Variants in SWT1 observed in about 807,000 individuals in gnomAD.
SWT1 encodes the protein SWT1 RNA endoribonuclease homolog, also known as transcriptional protein SWT1.
SWT1 carries 33 observed loss-of-function variants against 107.3 expected under a neutral mutation model. The ratio of observed to expected loss-of-function variants is 0.31; its 90% CI spans 0.23 to 0.41. SWT1 has a LOEUF of 0.41. SWT1 is among the 10% of genes least tolerant of loss of function. The pLI is 1.00. For missense variants in SWT1, 898 were observed against 1,028.9 expected, an observed-to-expected ratio of 0.87 and a Z score of 1.74; for synonymous variants, 345 against 348.3, an observed-to-expected ratio of 0.99 and a Z score of 0.11.
At chr1:185,240,695 T>A in intron 16 of SWT1, among the ~76,000 whole-genome samples, 1 of 152,154 alleles carries the variant, frequency 6.6e-6, no homozygotes, top group East Asian at 1.9e-4. Context: ...AGTTGTTTAA[T>A]CTTCTAAGTT....
At chr1:185,204,003 A>G (rs1558037436) in intron 11 of SWT1, among the ~76,000 whole-genome samples, 1 of 152,194 alleles carries the variant, frequency 6.6e-6, no homozygotes, top group African/African-American at 2.4e-5. Flanking sequence ...ATTTTGCCAT[A>G]AGAAAATTAC....
chr1:185,275,796 AT>A (rs1257301987), intron 17 of SWT1, among the ~76,000 whole-genome samples: 1 of 152,184 alleles, frequency 6.6e-6, no homozygotes, highest in Non-Finnish European at 1.5e-5. Context: ...CCAATAAGCA[AT>A]ACATTGAATC....
At chr1:185,192,526 C>T (rs998470666) in intron 10 of SWT1, among the ~76,000 whole-genome samples, 1 of 152,082 alleles carries the variant, frequency 6.6e-6, no homozygotes, top group Non-Finnish European at 1.5e-5. Context: ...TCAAGTGATC[C>T]TCCTTCCTCA....
At chr1:185,217,988 G>A (rs945508058) in intron 14 of SWT1, among the ~76,000 whole-genome samples, 1 of 152,224 alleles carries the variant, frequency 6.6e-6, no homozygotes. Flanking sequence ...CCATCCTCCC[G>A]CTTACCCGTC....
At chr1:185,189,670 C>T (rs1477820238) in intron 9 of SWT1, among the ~76,000 whole-genome samples, 1 of 151,968 alleles carries the variant, frequency 6.6e-6, no homozygotes, top group Admixed American at 6.6e-5. Flanking sequence ...ATATCCTAGA[C>T]CATTTTAATA....
chr1:185,251,547 T>C (rs1056961982), intron 16 of SWT1: 4 of 152,166 alleles, frequency 2.6e-5, no homozygotes, highest in Non-Finnish European at 5.9e-5. Context: ...TGCTGCCAAT[T>C]TTTCTTTGCA....
In SWT1 at chr1:185,184,364, A is replaced by C; in HGVS notation, c.1240+20A>C. 2.2e-6 allele frequency: 3 copies of C among 1,357,764 alleles called. No individual in the cohort carries two copies. The highest frequency in any genetic ancestry group is 2.5e-5 in the South Asian group (2 of 79,124). 84.1% of individuals were successfully genotyped at this position (1,357,764 alleles called of 1,614,324 possible). On this transcript the variant is annotated intron_variant, in intron 8 of 18. Coordinates refer to ENST00000367500, the MANE Select transcript of SWT1 (RefSeq NM_017673.7). Reference sequence around the variant, plus strand: ...TACCAGGTATTTACAGAACATATTTAAAGATTCTGATTTTCTTCCTTGAGT... The same window carrying C: ...TACCAGGTATTTACAGAACATATTTCAAGATTCTGATTTTCTTCCTTGAGT...
chr1:185,215,441 C>T (rs1349850980), intron 14 of SWT1, among the ~76,000 whole-genome samples: 1 of 152,128 alleles, frequency 6.6e-6, no homozygotes, highest in Non-Finnish European at 1.5e-5. Context: ...CTTATCCAAA[C>T]TTTGCCAATT....
chr1:185,209,914 A>G (rs1267245458), intron 13 of SWT1, among the ~76,000 whole-genome samples: 2 of 151,984 alleles, frequency 1.3e-5, no homozygotes, highest in Non-Finnish European at 2.9e-5. Flanking sequence ...AATGATCGCC[A>G]TTCTAACTGG....
chr1:185,283,743 C>A (rs1389238736), intron 18 of SWT1, among the ~76,000 whole-genome samples: 2 of 152,164 alleles, frequency 1.3e-5, no homozygotes, highest in Non-Finnish European at 2.9e-5. Context: ...ACCTTTGTAT[C>A]TCTCTTTTTT....
intron 16 of SWT1, among the ~76,000 whole-genome samples, chr1:185,264,896 T>C (rs962013524): frequency 4.3e-4 from 65 of 152,202 alleles, no homozygotes; most frequent in Admixed American, 1.4e-3. Flanking sequence ...ATTCTAATTG[T>C]ATGTATGTTT....
intron 16 of SWT1, chr1:185,264,351 G>A: frequency 1.0e-6 from 1 of 985,240 alleles, no homozygotes; most frequent in Non-Finnish European, 1.2e-6. Context: ...TCATATGGAT[G>A]ACATAAAAGT....
At chr1:185,199,638 T>C (rs992316579) in intron 10 of SWT1, among the ~76,000 whole-genome samples, 1 of 152,218 alleles carries the variant, frequency 6.6e-6, no homozygotes, top group Non-Finnish European at 1.5e-5. Context: ...GGCTTCCCTT[T>C]GTGGGTAACC....
At chr1:185,255,038 C>G (rs1229719949) in intron 16 of SWT1, among the ~76,000 whole-genome samples, 1 of 151,864 alleles carries the variant, frequency 6.6e-6, no homozygotes, top group Non-Finnish European at 1.5e-5. Flanking sequence ...TCGTTATGTA[C>G]CCAGTAGTCA....
intron 9 of SWT1, among the ~76,000 whole-genome samples, chr1:185,190,224 C>T (rs1345600927): frequency 6.6e-6 from 1 of 152,124 alleles, no homozygotes; most frequent in Admixed American, 6.6e-5. Flanking sequence ...ATCAAGATTT[C>T]CCACATACTT....
At chr1:185,226,821 C>T (rs3766717) in intron 15 of SWT1, 525,861 of 1,476,370 alleles carry the variant, frequency 0.36, 98,795 homozygotes, top group African/African-American at 0.65. Flanking sequence ...CTCAGCAGCC[C>T]GCTCCTGAGC....
chr1:185,158,458 C>A (rs1253995016), intron 1 of SWT1, among the ~76,000 whole-genome samples: 1 of 151,284 alleles, frequency 6.6e-6, no homozygotes, highest in African/African-American at 2.4e-5. Context: ...CTATAACTTA[C>A]AGAAATGCTA....
chr1:185,233,817 C>T (rs1023803127), intron 16 of SWT1, among the ~76,000 whole-genome samples: 1 of 152,172 alleles, frequency 6.6e-6, no homozygotes, highest in African/African-American at 2.4e-5. Flanking sequence ...AATCTCAGCT[C>T]ACTGCAAGCT....
chr1:185,249,672 C>A (rs1017915916), intron 16 of SWT1, among the ~76,000 whole-genome samples: 3 of 152,034 alleles, frequency 2.0e-5, no homozygotes, highest in Non-Finnish European at 2.9e-5. Flanking sequence ...TGTAAATACT[C>A]TCAACATTCG....
Sources: allele counts gnomAD v4.1 joint callset (sites outside exome capture counted in the v4.1 genomes callset), GRCh38; gene constraint gnomAD v4.1.1; transcripts MANE v1.5; gene names NCBI Gene and HGNC (gene_info 2026-07-23, HGNC 2026-07-21).